The following GABRB2 variants were observed in gnomAD, a reference collection of about 807,000 sequenced individuals.
GABRB2 encodes the protein gamma-aminobutyric acid receptor subunit beta-2.
GABRB2 carries 16 observed loss-of-function variants against 54.7 expected under a neutral mutation model. The ratio of observed to expected loss-of-function variants is 0.29; its 90% CI spans 0.20 to 0.44. GABRB2 has a LOEUF of 0.44. GABRB2 is among the 20% of genes least tolerant of loss of function. GABRB2 has a pLI of 1.00. For synonymous variants in GABRB2, 244 were observed against 233.8 expected (o/e 1.04, Z -0.40); for missense variants, 355 against 644.0 (o/e 0.55, Z 4.86).
intron 5 of GABRB2, among the ~76,000 whole-genome samples, chr5:161,406,887 T>C (rs539692728): frequency 1.3e-5 from 2 of 152,180 alleles, no homozygotes; most frequent in Non-Finnish European, 2.9e-5. Flanking sequence ...CTGATAAAGT[T>C]TTATGTCTTC....
At chr5:161,535,013 T>C (rs1200914140) in intron 3 of GABRB2, among the ~76,000 whole-genome samples, 1 of 152,192 alleles carries the variant, frequency 6.6e-6, no homozygotes, top group East Asian at 1.9e-4. Context: ...CTTGAACATA[T>C]ACCAGGCAAC....
At chr5:161,496,592 A>G (rs369948344) in intron 3 of GABRB2, among the ~76,000 whole-genome samples, 1 of 151,970 alleles carries the variant, frequency 6.6e-6, no homozygotes, top group Non-Finnish European at 1.5e-5. Context: ...CCTAGAAATA[A>G]CCACTGTTAG....
chr5:161,312,490 A>G (rs890922543), intron 9 of GABRB2, among the ~76,000 whole-genome samples: 1 of 152,184 alleles, frequency 6.6e-6, no homozygotes, highest in African/African-American at 2.4e-5. Context: ...CCAAAGAATA[A>G]AATCTCAGCT....
At chr5:161,303,385 C>T (rs679633) in intron 9 of GABRB2, among the ~76,000 whole-genome samples, 1 of 151,980 alleles carries the variant, frequency 6.6e-6, no homozygotes, top group South Asian at 2.1e-4. Context: ...CCTATCTTCA[C>T]GTTTCCTTAG....
intron 5 of GABRB2, among the ~76,000 whole-genome samples, chr5:161,385,947 GGTGTGTGTGTGTGTGTGT>G (rs70990781): frequency 6.4e-5 from 6 of 93,354 alleles, no homozygotes; most frequent in African/African-American, 1.4e-4. Context: ...CCTATTGTCT[GGTGTGTGTGTGTGTGTGT>G]GTGTGTGTGT....
chr5:161,353,467 A>T (rs1754529897), intron 5 of GABRB2, among the ~76,000 whole-genome samples: 1 of 152,010 alleles, frequency 6.6e-6, no homozygotes, highest in Non-Finnish European at 1.5e-5. Flanking sequence ...CTCTTATCCT[A>T]ACCTAAAAGT....
chr5:161,392,475 A>G (rs1458577586), intron 5 of GABRB2, among the ~76,000 whole-genome samples: 1 of 152,168 alleles, frequency 6.6e-6, no homozygotes, highest in African/African-American at 2.4e-5. Flanking sequence ...CATGACCCCA[A>G]ATCAATGCTC....
intron 3 of GABRB2, among the ~76,000 whole-genome samples, chr5:161,471,955 A>G (rs1009472345): frequency 6.6e-6 from 1 of 151,854 alleles, no homozygotes; most frequent in African/African-American, 2.4e-5. Flanking sequence ...TAATCATCAC[A>G]ATAGCACTAT....
At chr5:161,335,775 G>T (rs1753973168) in intron 6 of GABRB2, among the ~76,000 whole-genome samples, 1 of 152,084 alleles carries the variant, frequency 6.6e-6, no homozygotes, top group African/African-American at 2.4e-5. Context: ...CTTAGGAAAA[G>T]TTTCTGTTTG....
At chr5:161,365,038 C>T (rs2113458292) in intron 5 of GABRB2, among the ~76,000 whole-genome samples, 1 of 152,178 alleles carries the variant, frequency 6.6e-6, no homozygotes, top group East Asian at 1.9e-4. Flanking sequence ...ATGGTTTGGC[C>T]ATGTTAAGAC....
chr5:161,527,021 T>C (rs1241652906), intron 3 of GABRB2, among the ~76,000 whole-genome samples: 1 of 151,420 alleles, frequency 6.6e-6, no homozygotes, highest in African/African-American at 2.4e-5. Context: ...AACTTAAAGA[T>C]TGTATGGAAG....
At chr5:161,461,919 A>G (rs1419373207) in intron 3 of GABRB2, among the ~76,000 whole-genome samples, 1 of 152,090 alleles carries the variant, frequency 6.6e-6, no homozygotes, top group African/African-American at 2.4e-5. Flanking sequence ...AAAATCTTGC[A>G]TTTTTCTAAC....
intron 3 of GABRB2, among the ~76,000 whole-genome samples, chr5:161,517,183 G>A (rs1759976066): frequency 6.6e-6 from 1 of 152,100 alleles, no homozygotes; most frequent in Non-Finnish European, 1.5e-5. Context: ...AGATAGCTGT[G>A]ATGAAGGGGT....
intron 3 of GABRB2, among the ~76,000 whole-genome samples, chr5:161,500,781 C>T (rs1759409067): frequency 6.6e-6 from 1 of 152,068 alleles, no homozygotes; most frequent in South Asian, 2.1e-4. Context: ...TCAAAATTTC[C>T]CCCAAATGTT....
At chr5:161,307,407 C>T (rs1213545903) in intron 9 of GABRB2, among the ~76,000 whole-genome samples, 1 of 152,128 alleles carries the variant, frequency 6.6e-6, no homozygotes. Flanking sequence ...TATAAAATCA[C>T]ATTTTGTAGA....
intron 3 of GABRB2, among the ~76,000 whole-genome samples, chr5:161,510,482 T>C (rs779635151): frequency 8.6e-5 from 13 of 151,974 alleles, no homozygotes; most frequent in Admixed American, 2.0e-4. Context: ...ACATGTACCA[T>C]ATTTTCAAAA....
intron 9 of GABRB2, among the ~76,000 whole-genome samples, chr5:161,317,093 G>T (rs563925514): frequency 6.6e-6 from 1 of 151,910 alleles, no homozygotes; most frequent in Non-Finnish European, 1.5e-5. Flanking sequence ...GAAAAAAAAT[G>T]ACAACGTAAT....
intron 3 of GABRB2, among the ~76,000 whole-genome samples, chr5:161,533,161 C>T (rs749647599): frequency 2.0e-5 from 3 of 151,940 alleles, no homozygotes; most frequent in Non-Finnish European, 2.9e-5. Context: ...ATAGGAATGC[C>T]GATAGAATGT....
intron 4 of GABRB2, among the ~76,000 whole-genome samples, chr5:161,449,981 T>C (rs532759199): frequency 2.0e-5 from 3 of 152,324 alleles, no homozygotes; most frequent in African/African-American, 7.2e-5. Flanking sequence ...ATGCTATATA[T>C]AGATATTTTC....
Sources: allele counts gnomAD v4.1 joint callset (sites outside exome capture counted in the v4.1 genomes callset), GRCh38; gene constraint gnomAD v4.1.1; transcripts MANE v1.5; gene names NCBI Gene and HGNC (gene_info 2026-07-23, HGNC 2026-07-21).